The following TMEM64 variants were observed in gnomAD, a reference collection of about 807,000 sequenced individuals.
TMEM64 encodes the protein transmembrane protein 64.
A neutral mutation model predicts 24.5 loss-of-function variants in TMEM64; 19 were observed. The ratio of observed to expected loss-of-function variants is 0.78; its 90% CI spans 0.54 to 1.14. TMEM64 has a LOEUF of 1.14. TMEM64 is among the 50% of genes most tolerant of loss of function. The probability of loss-of-function intolerance (pLI) is 0.00; values close to 1 mark genes in which losing one functional copy is unlikely to be tolerated. For synonymous variants in TMEM64, 262 were observed against 224.7 expected, an observed-to-expected ratio of 1.17 and a Z score of -1.49; for missense variants, 487 against 493.0, an observed-to-expected ratio of 0.99 and a Z score of 0.12.
chr8:90,627,304 G>A (rs780012241), intron 2 of TMEM64, among the ~76,000 whole-genome samples: 3 of 152,150 alleles, frequency 2.0e-5, no homozygotes, highest in Non-Finnish European at 4.4e-5. Flanking sequence ...CCATCACTCA[G>A]TAAAATCGTA....
intron 1 of TMEM64, among the ~76,000 whole-genome samples, chr8:90,635,468 G>T (rs1809505239): frequency 6.6e-6 from 1 of 151,736 alleles, no homozygotes; most frequent in Non-Finnish European, 1.5e-5. Flanking sequence ...GGAAAGTACA[G>T]AATATATTCA....
At position 90,641,226 on chromosome 8, in the gene TMEM64, T is replaced by C. The variant is rs762673460; in HGVS notation, c.795+3885A>G. Reference sequence around the variant, plus strand: ...TGTAGGCAGTAGGGTCTGTAGTAACTACTCAATTTGCTGTTTTGGCTTAAA... The same window carrying C: ...TGTAGGCAGTAGGGTCTGTAGTAACCACTCAATTTGCTGTTTTGGCTTAAA... On this transcript the variant is annotated intron_variant, in intron 1 of 2. Coordinates refer to ENST00000458549, the MANE Select transcript of TMEM64 (RefSeq NM_001008495.4). 1.8e-4 allele frequency among the ~76,000 whole-genome samples: 28 copies of C among 152,282 alleles called. 3 individuals are homozygous for C. The South Asian group carries it at 3.7e-3, about 20-fold the overall frequency.
At chr8:90,630,711 C>T (rs553070633) in intron 2 of TMEM64, among the ~76,000 whole-genome samples, 3 of 152,102 alleles carry the variant, frequency 2.0e-5, no homozygotes, top group African/African-American at 7.2e-5. Context: ...AAAAAAAAAT[C>T]TGTACATCCT....
intron 2 of TMEM64, among the ~76,000 whole-genome samples, chr8:90,627,080 G>C (rs541469171): frequency 6.6e-6 from 1 of 151,810 alleles, no homozygotes; most frequent in African/African-American, 2.4e-5. Context: ...GTTTACAAAG[G>C]CTGCTGTAAC....
rs1051557532 is a variant in TMEM64, at chr8:90,624,270, G to A, written c.*1401C>T. 3 of 151,992 alleles carry A rather than the reference G, an allele frequency of 2.0e-5. No homozygotes were observed. Among genetic ancestry groups the A allele is most frequent in the Non-Finnish European group, 2.9e-5 (2 of 67,930 alleles). The allele number at this position is 151,992 out of a possible 1,614,324, so 9.4% of individuals were successfully genotyped here. On this transcript the variant is annotated 3_prime_UTR_variant, in exon 3 of 3. Transcript: ENST00000458549. ...TTCCAAAGAATTCCTTTGTACTTTA[G>A]TAGATGAGGGCAAAGCTTTCACCGT...
rs1352423232 is a variant in TMEM64, at chr8:90,631,671, A to T, written c.832T>A (p.Ser278Thr). 6.2e-7 allele frequency: 1 copy of T among 1,613,710 alleles called. No homozygotes were observed. The highest frequency in any genetic ancestry group is 8.5e-7 in the Non-Finnish European group (1 of 1,179,746). ...TGGGTAGGAAGCAGTCCAACCGAAGATGCCATCAGATAGTTGGGTAATGAG... is the reference window on the plus strand; with the variant it reads ...TGGGTAGGAAGCAGTCCAACCGAAGTTGCCATCAGATAGTTGGGTAATGAG... Reference protein sequence around the residue: ...DLSLPNYLMASSVGLLPTQLL... With the variant: ...DLSLPNYLMATSVGLLPTQLL... The change falls in exon 2 of 3, where the codon TCT (serine) becomes ACT (threonine). Residue 278 changes from serine to threonine, a missense_variant. By Grantham distance (58) the Ser-to-Thr change is moderately conservative. Coordinates refer to ENST00000458549, the MANE Select transcript of TMEM64 (RefSeq NM_001008495.4).
Position 90,645,735 on chromosome 8 carries a change from T to G in TMEM64, c.171A>C (p.Ala57=). 1 of 1,145,060 alleles carries G rather than the reference T, an allele frequency of 8.7e-7. No individual in the cohort carries two copies. Among genetic ancestry groups the G allele is most frequent in the East Asian group, 4.3e-5 (1 of 23,300 alleles). 70.9% of individuals were successfully genotyped at this position (1,145,060 alleles called of 1,614,324 possible). The change falls in exon 1 of 3, where the codon GCA becomes GCC. Residue 57 remains alanine (A), a synonymous_variant. Coordinates refer to ENST00000458549, the MANE Select transcript of TMEM64 (RefSeq NM_001008495.4). This position sits in a 1 kb window ranked among gnomAD's most constrained non-coding sequence, Gnocchi z 4.2. ...GCAGGGCGCCCGAGGCCGCCGCTGC[T>G]GCCGCCGCCGCGCTCGCCCCGCCCC... The part of the protein sequence containing the change: ...PRGGGASAAA[A]AAAASGALLG...
chr8:90,645,104 C>T lies in TMEM64; in HGVS notation c.795+7G>A. On this transcript the variant is annotated splice_region_variant and intron_variant, in intron 1 of 2. Coordinates refer to ENST00000458549, the MANE Select transcript of TMEM64 (RefSeq NM_001008495.4). This position sits in a 1 kb window ranked among gnomAD's most constrained non-coding sequence, Gnocchi z 4.2. ...GGAGAGGGATAGGCCAGCGGGACCC[C>T]ACTTACCGAAAACACTGCATTCTGA... The T allele has an allele frequency of 1.3e-6, 2 of 1,597,232 alleles. No homozygotes were observed. Among genetic ancestry groups the T allele is most frequent in the Admixed American group, 1.7e-5 (1 of 59,480 alleles).
intron 1 of TMEM64, among the ~76,000 whole-genome samples, chr8:90,639,096 A>C (rs1197286820): frequency 6.6e-6 from 1 of 151,904 alleles, no homozygotes; most frequent in Non-Finnish European, 1.5e-5. Context: ...GTACTGAAAA[A>C]AGTCTTGCTA....
Position 90,645,694 on chromosome 8 carries a change from T to C in TMEM64, c.212A>G (p.Glu71Gly), listed in dbSNP as rs1809687848. Reference protein sequence around the residue: ...ASGALLGAYLERHGPPEASEL... With the variant: ...ASGALLGAYLGRHGPPEASEL... Reference sequence around the variant, plus strand: ...CGAAGCCTCGGGCGGACCGTGGCGCTCCAGATAGGCGCCGAGCAGGGCGCC... The same window carrying C: ...CGAAGCCTCGGGCGGACCGTGGCGCCCCAGATAGGCGCCGAGCAGGGCGCC... The change falls in exon 1 of 3, where the codon GAG becomes GGG. Residue 71 changes from glutamate to glycine, a missense_variant. Glu to Gly is a moderately conservative substitution (Grantham distance 98). Around this residue, in one of 3 missense-constraint regions of TMEM64, gnomAD observed 419 missense variants for 407.5 expected, o/e 1.03. Coordinates refer to ENST00000458549, the MANE Select transcript of TMEM64 (RefSeq NM_001008495.4). This position sits in a 1 kb window ranked among gnomAD's most constrained non-coding sequence, Gnocchi z 4.2. 3 of 1,448,912 alleles carry C rather than the reference T, an allele frequency of 2.1e-6. No homozygotes were observed. The highest frequency in any genetic ancestry group is 2.7e-6 in the Non-Finnish European group (3 of 1,109,906). 89.8% of individuals were successfully genotyped at this position (1,448,912 alleles called of 1,614,324 possible).
intron 1 of TMEM64, among the ~76,000 whole-genome samples, chr8:90,637,440 C>T (rs112091318): frequency 0.014 from 2,203 of 152,148 alleles, 42 homozygotes; most frequent in African/African-American, 0.049. Flanking sequence ...ATTCAGAAGA[C>T]CTCAAATTTT....
chr8:90,634,797 AG>A (rs1809490777), intron 1 of TMEM64, among the ~76,000 whole-genome samples: 1 of 152,226 alleles, frequency 6.6e-6, no homozygotes, highest in Non-Finnish European at 1.5e-5. Context: ...CTGGTATATA[AG>A]AAAGCTACTG....
At chr8:90,636,428 G>A (rs1401048706) in intron 1 of TMEM64, among the ~76,000 whole-genome samples, 1 of 152,066 alleles carries the variant, frequency 6.6e-6, no homozygotes, top group East Asian at 1.9e-4. Flanking sequence ...GCTAATTTTT[G>A]TATTTTTAGT....
chr8:90,635,081 A>C (rs1036009802), intron 1 of TMEM64, among the ~76,000 whole-genome samples: 5 of 152,194 alleles, frequency 3.3e-5, no homozygotes, highest in Non-Finnish European at 5.9e-5. Context: ...AGAGATAAAA[A>C]GACACAATGC....
In TMEM64 at chr8:90,625,657, G is replaced by T. The variant is rs776823600; in HGVS notation, c.*14C>A. 1 of 1,608,096 alleles carries T rather than the reference G, an allele frequency of 6.2e-7. No individual in the cohort carries two copies. Among genetic ancestry groups the T allele is most frequent in the Non-Finnish European group, 8.5e-7 (1 of 1,175,838 alleles). ...AGCACACTAGGCTCTTGACAATCAC[G>T]TATCTCATTAGAATCATACAACATT... On this transcript the variant is annotated 3_prime_UTR_variant, in exon 3 of 3. Coordinates refer to ENST00000458549, the MANE Select transcript of TMEM64 (RefSeq NM_001008495.4).
chr8:90,622,703 A>T lies in TMEM64; in HGVS notation c.*2968T>A, dbSNP rs1475471500. On this transcript the variant is annotated 3_prime_UTR_variant, in exon 3 of 3. Coordinates refer to ENST00000458549, the MANE Select transcript of TMEM64 (RefSeq NM_001008495.4). Reference sequence around the variant, plus strand: ...CCACTTAGTTACAACAAGGGGAAATAAGAGTAACTAATGAACTTAATAGCT... The same window carrying T: ...CCACTTAGTTACAACAAGGGGAAATTAGAGTAACTAATGAACTTAATAGCT... 6.6e-6 allele frequency: 1 copy of T among 152,230 alleles called. No individual in the cohort carries two copies. The highest frequency in any genetic ancestry group is 2.1e-4 in the South Asian group (1 of 4,838). The allele number at this position is 152,230 out of a possible 1,614,324, so 9.4% of individuals were successfully genotyped here.
chr8:90,645,443 C>T lies in TMEM64; in HGVS notation c.463G>A (p.Asp155Asn), dbSNP rs1586133444. Residue 155 changes from aspartate (D) to asparagine (N), a missense_variant, in exon 1 of 3, where the codon GAC becomes AAC. By Grantham distance (23) the Asp-to-Asn change is conservative (BLOSUM62 1). Coordinates refer to ENST00000458549, the MANE Select transcript of TMEM64 (RefSeq NM_001008495.4). The surrounding 1 kb of genome is among the most constrained non-coding windows in gnomAD (Gnocchi z 4.2). ...HHLLLWVESL[D>N]SLLGVLLFVV... ...AAGAGCAGGACCCCCAGCAGCGAGT[C>T]AAGGCTCTCCACCCACAGCAGGAGG... The T allele has an allele frequency of 1.3e-6, 2 of 1,551,606 alleles. No individual in the cohort carries two copies. Among genetic ancestry groups the T allele is most frequent in the East Asian group, 4.9e-5 (2 of 40,912 alleles).
chr8:90,642,517 G>T (rs1307134528), intron 1 of TMEM64, among the ~76,000 whole-genome samples: 3 of 152,194 alleles, frequency 2.0e-5, no homozygotes, highest in South Asian at 4.1e-4. Context: ...AGCAGGAGGG[G>T]TATGAGGTGG....
chr8:90,633,765 T>C (rs904861799), intron 1 of TMEM64, among the ~76,000 whole-genome samples: 2 of 152,204 alleles, frequency 1.3e-5, no homozygotes, highest in African/African-American at 4.8e-5. Context: ...CTATTTTATA[T>C]TGACACATTT....
Sources: allele counts gnomAD v4.1 joint callset (sites outside exome capture counted in the v4.1 genomes callset), GRCh38; gene constraint gnomAD v4.1.1; regional missense constraint gnomAD v4.1.1; non-coding constraint Gnocchi (gnomAD v3.1); transcripts MANE v1.5; gene names NCBI Gene and HGNC (gene_info 2026-07-23, HGNC 2026-07-21).